The following RSPO2 variants were observed in gnomAD, a reference collection of about 807,000 sequenced individuals.
The protein encoded by RSPO2 is R-spondin-2.
A neutral mutation model predicts 30.9 loss-of-function variants in RSPO2; 14 were observed. That is an observed-to-expected ratio of 0.45 (90% CI 0.30 to 0.71). The LOEUF is 0.71. Among genes scored for constraint, RSPO2 ranks in the 30% least tolerant of loss-of-function variants. The pLI, the probability that RSPO2 is intolerant of heterozygous loss-of-function variation, is 0.08. For missense variants in RSPO2, 264 were observed against 301.9 expected (o/e 0.87, Z 0.93); for synonymous variants, 107 against 96.4 (o/e 1.11, Z -0.64).
At chr8:107,965,116 G>C (rs1813754260) in intron 3 of RSPO2, among the ~76,000 whole-genome samples, 1 of 152,048 alleles carries the variant, frequency 6.6e-6, no homozygotes, top group Non-Finnish European at 1.5e-5. Flanking sequence ...ACTAAACATA[G>C]GACTTTTCTA....
intron 2 of RSPO2, among the ~76,000 whole-genome samples, chr8:108,010,063 A>T (rs75570261): frequency 1.0e-5 from 1 of 99,620 alleles, no homozygotes; most frequent in Non-Finnish European, 2.6e-5. Context: ...AATAAAAATA[A>T]AAAAAAAAAT....
chr8:108,012,688 G>C (rs1810748875), intron 2 of RSPO2, among the ~76,000 whole-genome samples: 1 of 152,128 alleles, frequency 6.6e-6, no homozygotes, highest in Non-Finnish European at 1.5e-5. Flanking sequence ...GTAATTAATT[G>C]ATCCTATTCA....
chr8:108,070,447 C>T (rs1207613713), intron 2 of RSPO2, among the ~76,000 whole-genome samples: 2 of 151,800 alleles, frequency 1.3e-5, no homozygotes, highest in Admixed American at 6.6e-5. Flanking sequence ...TGCCCGCCAC[C>T]GCGCCCGGCT....
chr8:108,004,499 T>G (rs1034812065), intron 2 of RSPO2, among the ~76,000 whole-genome samples: 1 of 152,156 alleles, frequency 6.6e-6, no homozygotes, highest in Non-Finnish European at 1.5e-5. Flanking sequence ...TACAAATGCA[T>G]GAAAGCCAGA....
At chr8:108,035,616 AC>A in intron 2 of RSPO2, among the ~76,000 whole-genome samples, 1 of 151,936 alleles carries the variant, frequency 6.6e-6, no homozygotes, top group Non-Finnish European at 1.5e-5. Flanking sequence ...GACTACAGGC[AC>A]CCGCCACCAT....
intron 5 of RSPO2, among the ~76,000 whole-genome samples, chr8:107,932,832 T>A (rs1352090661): frequency 6.6e-6 from 1 of 152,092 alleles, no homozygotes; most frequent in African/African-American, 2.4e-5. Context: ...TAACCGATCA[T>A]TAAGCTGGCC....
chr8:107,938,252 G>A (rs1812781708), intron 5 of RSPO2, among the ~76,000 whole-genome samples: 2 of 152,034 alleles, frequency 1.3e-5, no homozygotes. Flanking sequence ...AATTAACCCA[G>A]AAATACTCAT....
At chr8:108,012,030 G>A (rs374713206) in intron 2 of RSPO2, among the ~76,000 whole-genome samples, 2 of 152,144 alleles carry the variant, frequency 1.3e-5, no homozygotes, top group East Asian at 3.8e-4. Flanking sequence ...AAGAGAAAGA[G>A]CTGGGAAGAA....
intron 2 of RSPO2, among the ~76,000 whole-genome samples, chr8:108,073,591 AC>A (rs1812921058): frequency 6.6e-6 from 1 of 152,234 alleles, no homozygotes; most frequent in South Asian, 2.1e-4. Flanking sequence ...CTGGAAAGCT[AC>A]AACAGCTATT....
At chr8:107,988,368 T>C (rs1365585541) in intron 3 of RSPO2, among the ~76,000 whole-genome samples, 1 of 151,292 alleles carries the variant, frequency 6.6e-6, no homozygotes, top group Non-Finnish European at 1.5e-5. Context: ...AAAGAAGCTA[T>C]AGAAATTGGT....
chr8:107,923,591 T>C (rs181981852), intron 5 of RSPO2, among the ~76,000 whole-genome samples: 62 of 152,192 alleles, frequency 4.1e-4, no homozygotes, highest in Non-Finnish European at 8.4e-4. Context: ...AGAATATAAG[T>C]TGTTTCATCA....
intron 5 of RSPO2, among the ~76,000 whole-genome samples, chr8:107,918,788 A>G (rs557606): frequency 0.57 from 86,641 of 151,910 alleles, 25,997 homozygotes; most frequent in East Asian, 0.76. Flanking sequence ...ACTATAGTTT[A>G]TTTTTTAAAC....
At chr8:108,080,223 T>C (rs577452237) in intron 2 of RSPO2, among the ~76,000 whole-genome samples, 40 of 152,354 alleles carry the variant, frequency 2.6e-4, no homozygotes, top group African/African-American at 9.1e-4. Flanking sequence ...GTAGTTCCAC[T>C]TTTAATTAAA....
chr8:107,994,786 C>T (rs1814958430), intron 2 of RSPO2, among the ~76,000 whole-genome samples: 1 of 152,086 alleles, frequency 6.6e-6, no homozygotes, highest in South Asian at 2.1e-4. Context: ...TTTGAGACTA[C>T]ATGTTGTTTA....
intron 5 of RSPO2, among the ~76,000 whole-genome samples, chr8:107,907,827 A>AT (rs907514289): frequency 9.9e-4 from 150 of 152,136 alleles, no homozygotes; most frequent in African/African-American, 3.4e-3. Flanking sequence ...AAGTTACCAT[A>AT]TTTTTTTATC....
intron 3 of RSPO2, among the ~76,000 whole-genome samples, chr8:107,973,868 G>A (rs780333448): frequency 6.6e-5 from 10 of 151,956 alleles, no homozygotes; most frequent in South Asian, 2.1e-4. Flanking sequence ...AGCATAAGCC[G>A]CAGATTCTAC....
At chr8:107,919,597 T>C (rs1015458520) in intron 5 of RSPO2, among the ~76,000 whole-genome samples, 8 of 152,140 alleles carry the variant, frequency 5.3e-5, no homozygotes, top group Admixed American at 5.2e-4. Context: ...CTTGACGGAT[T>C]AGCTGGCACC....
intron 2 of RSPO2, among the ~76,000 whole-genome samples, chr8:108,007,963 T>TA (rs1390911312): frequency 1.3e-5 from 2 of 151,874 alleles, no homozygotes; most frequent in Non-Finnish European, 2.9e-5. Flanking sequence ...TGAAAAAAAT[T>TA]AAAAATACAC....
intron 2 of RSPO2, among the ~76,000 whole-genome samples, chr8:108,033,815 A>C (rs1811506262): frequency 6.6e-6 from 1 of 152,192 alleles, no homozygotes; most frequent in South Asian, 2.1e-4. Context: ...AAAGAAAGGC[A>C]TGGGGAGTAG....
Sources: gnomAD v4.1 joint callset for allele counts (sites outside exome capture counted in the v4.1 genomes callset) on GRCh38, gnomAD v4.1.1 for gene constraint, MANE v1.5 for transcripts, NCBI Gene and HGNC (gene_info 2026-07-23, HGNC 2026-07-21) for gene names.